The following SOX6 variants were observed in gnomAD, a reference collection of about 807,000 sequenced individuals.
The protein encoded by SOX6 is SRY-box transcription factor 6, also known as transcription factor SOX-6.
In SOX6, 11 loss-of-function variants were observed where a neutral mutation model predicts 97.8. That is an observed-to-expected ratio of 0.11 (90% confidence interval 0.07 to 0.19). The LOEUF is 0.19. SOX6 is among the 10% of genes least tolerant of loss of function. SOX6 has a pLI of 1.00. For synonymous variants in SOX6, 360 were observed against 371.4 expected (o/e 0.97, Z 0.35); for missense variants, 810 against 1,039.5 (o/e 0.78, Z 3.04).
chr11:16,277,049 C>CTA (rs1435756581), intron 3 of SOX6, among the ~76,000 whole-genome samples: 5 of 152,118 alleles, frequency 3.3e-5, no homozygotes. Context: ...GTGGGAGAAG[C>CTA]TATATATGTT....
At chr11:15,991,032 G>A (rs376385621) in intron 13 of SOX6, among the ~76,000 whole-genome samples, 3 of 152,130 alleles carry the variant, frequency 2.0e-5, no homozygotes, top group South Asian at 4.2e-4. Flanking sequence ...TAAAAGGGTG[G>A]GATTGGCTAA....
At chr11:16,064,497 A>G (rs1371780154) in intron 9 of SOX6, among the ~76,000 whole-genome samples, 1 of 147,754 alleles carries the variant, frequency 6.8e-6, no homozygotes, top group Non-Finnish European at 1.5e-5. Context: ...CTACTTTGAT[A>G]CCAAAACCAG....
At chr11:16,322,555 T>C (rs1482045416) in intron 2 of SOX6, among the ~76,000 whole-genome samples, 1 of 152,156 alleles carries the variant, frequency 6.6e-6, no homozygotes, top group Non-Finnish European at 1.5e-5. Flanking sequence ...AATGATAATA[T>C]CTATCAAGTC....
chr11:16,254,676 A>C (rs1853628521), intron 3 of SOX6, among the ~76,000 whole-genome samples: 1 of 152,020 alleles, frequency 6.6e-6, no homozygotes, highest in African/African-American at 2.4e-5. Flanking sequence ...CTCGATTAAA[A>C]CCACAAAAGG....
At chr11:16,322,759 T>C (rs942827959) in intron 2 of SOX6, among the ~76,000 whole-genome samples, 1 of 152,180 alleles carries the variant, frequency 6.6e-6, no homozygotes, top group African/African-American at 2.4e-5. Flanking sequence ...CTGATTCCGA[T>C]GCACAGGTCC....
chr11:16,418,157 T>C (rs1310719952), intron 1 of SOX6, among the ~76,000 whole-genome samples: 1 of 152,184 alleles, frequency 6.6e-6, no homozygotes, highest in Non-Finnish European at 1.5e-5. Flanking sequence ...CTGATAAAAC[T>C]ACTGAAATTG....
chr11:16,350,319 G>C lies in SOX6; in HGVS notation c.-5+5775C>G, dbSNP rs181414362. ...GGAAAACAAGGATAGCAAGCGACAG[G>C]AGAAAGGGGAAGTCCAGTCTCTAGC... On this transcript the variant is annotated intron_variant, in intron 1 of 15. Coordinates refer to ENST00000683767, the MANE Select transcript of SOX6 (RefSeq NM_001367873.1). Among the ~76,000 whole-genome samples, 208 of 152,280 alleles carry C rather than the reference G, an allele frequency of 1.4e-3. 1 individual carries two copies. The highest frequency in any genetic ancestry group is 1.9e-3 in the Non-Finnish European group (131 of 68,010).
At position 16,076,735 on chromosome 11, in the gene SOX6, ATTTTTTTTTTTTT is replaced by A. The variant is rs1156737950; in HGVS notation, c.1101+19248_1101+19260del. Among the ~76,000 whole-genome samples the A allele has an allele frequency of 1.4e-4, 13 of 94,152 alleles. 2 individuals are homozygous for A. The East Asian group carries it at 4.8e-3, about 34-fold the overall frequency. 61.8% of individuals were successfully genotyped at this position (94,152 alleles called of 152,430 possible). On this transcript the variant is annotated intron_variant, in intron 9 of 15. Transcript: ENST00000683767. Reference sequence around the variant, plus strand: ...GAGAGAGAAGGGGGAGGTACTACACATTTTTTTTTTTTTTTTTTTTTTTTTTTTTGAGACGGAG... The same window carrying A: ...GAGAGAGAAGGGGGAGGTACTACACATTTTTTTTTTTTTTTTGAGACGGAG...
intron 12 of SOX6, among the ~76,000 whole-genome samples, chr11:16,030,574 G>T (rs1855343825): frequency 6.6e-6 from 1 of 152,034 alleles, no homozygotes; most frequent in Admixed American, 6.6e-5. Flanking sequence ...TAAACTTGAG[G>T]AAATGATTCT....
rs150961105 is a variant in SOX6 at position 16,097,638 on chromosome 11, C to G, written c.949G>C (p.Ala317Pro). 10 of 1,611,166 alleles carry G rather than the reference C, an allele frequency of 6.2e-6. No homozygotes were observed. The highest frequency in any genetic ancestry group is 3.3e-5 in the Admixed American group (2 of 59,770). ...FIPSTMAAAA[A>P]SGLSPLQLQK... ...AGCTGTAAAGGGCTGAGTCCAGAAG[C>G]AGCAGCAGCTGCCATTGTTGATGGA... Residue 317 changes from alanine to proline, a missense_variant, in exon 8 of 16, where the codon GCT (alanine) becomes CCT (proline). By Grantham distance (27) the Ala-to-Pro change is conservative. Coordinates refer to ENST00000683767, the MANE Select transcript of SOX6 (RefSeq NM_001367873.1).
intron 3 of SOX6, among the ~76,000 whole-genome samples, chr11:16,659,743 G>A (rs1432569738): frequency 3.3e-5 from 5 of 152,134 alleles, no homozygotes; most frequent in African/African-American, 1.2e-4. Flanking sequence ...GAATTTACCA[G>A]TGAAACCATC....
At chr11:16,372,803 G>A (rs555976726) in intron 1 of SOX6, among the ~76,000 whole-genome samples, 1 of 152,154 alleles carries the variant, frequency 6.6e-6, no homozygotes, top group South Asian at 2.1e-4. Context: ...ACACGTGGAT[G>A]GAACAACTGG....
At chr11:16,451,347 G>A (rs1196075138) in intron 1 of SOX6, among the ~76,000 whole-genome samples, 1 of 152,082 alleles carries the variant, frequency 6.6e-6, no homozygotes, top group Non-Finnish European at 1.5e-5. Context: ...AAGTCAGAGG[G>A]TTGTCTGTAA....
chr11:16,518,503 T>C (rs548227883), intron 4 of SOX6, among the ~76,000 whole-genome samples: 40 of 152,360 alleles, frequency 2.6e-4, no homozygotes, highest in South Asian at 1.0e-3. Context: ...CACTAGGCTA[T>C]AAGCTCATTG....
chr11:16,374,117 G>A (rs768146056), intron 1 of SOX6, among the ~76,000 whole-genome samples: 14 of 151,912 alleles, frequency 9.2e-5, no homozygotes, highest in Non-Finnish European at 1.8e-4. Flanking sequence ...AAGTCATAAA[G>A]CCAAATCTTT....
chr11:16,515,135 A>G (rs1403350836), intron 4 of SOX6, among the ~76,000 whole-genome samples: 1 of 148,222 alleles, frequency 6.7e-6, no homozygotes, highest in African/African-American at 2.5e-5. Context: ...GACTTCCACA[A>G]TGGTTGAACT....
intron 3 of SOX6, among the ~76,000 whole-genome samples, chr11:16,634,541 T>C (rs1422892770): frequency 1.3e-5 from 2 of 152,160 alleles, no homozygotes. Flanking sequence ...TTATTTTAAT[T>C]TATTGTATTA....
chr11:16,376,248 T>C (rs1830567209), intron 1 of SOX6, among the ~76,000 whole-genome samples: 1 of 152,162 alleles, frequency 6.6e-6, no homozygotes, highest in Non-Finnish European at 1.5e-5. Flanking sequence ...CCTAATGTGA[T>C]TTCTTTTCTT....
chr11:16,460,402 GA>G (rs1859899249), intron 1 of SOX6, among the ~76,000 whole-genome samples: 1 of 151,972 alleles, frequency 6.6e-6, no homozygotes, highest in Non-Finnish European at 1.5e-5. Context: ...ATGTCCAGAA[GA>G]TCTCTGAGTT....
Sources: allele counts gnomAD v4.1 joint callset (sites outside exome capture counted in the v4.1 genomes callset), GRCh38; gene constraint gnomAD v4.1.1; transcripts MANE v1.5; gene names NCBI Gene and HGNC (gene_info 2026-07-23, HGNC 2026-07-21).